The following PHF20 variants were observed in gnomAD, a reference collection of about 807,000 sequenced individuals.
PHF20 encodes PHD finger protein 20, also known as glioma-expressed antigen 2.
PHF20 carries 23 observed loss-of-function variants against 113.5 expected under a neutral mutation model. The ratio of observed to expected loss-of-function variants is 0.20; its 90% CI spans 0.15 to 0.29. The LOEUF (loss-of-function observed/expected upper bound fraction) is 0.29, where lower values mean the gene tolerates loss of function less well. Ranked by LOEUF, PHF20 falls within the 10% of genes least tolerant of loss-of-function variation. The probability of loss-of-function intolerance (pLI) is 1.00; values close to 1 mark genes in which losing one functional copy is unlikely to be tolerated. For missense variants in PHF20, 943 were observed against 1,219.6 expected, an observed-to-expected ratio of 0.77 and a Z score of 3.38; for synonymous variants, 434 against 457.3, an observed-to-expected ratio of 0.95 and a Z score of 0.65.
intron 6 of PHF20, among the ~76,000 whole-genome samples, 186 bp downstream of exon 6, chr20:35,863,586 C>G (rs1051391757): frequency 6.6e-6 from 1 of 152,294 alleles, no homozygotes; most frequent in Non-Finnish European, 1.5e-5. Context: ...CCAAGTGAAT[C>G]TAAGTTGGGA....
chr20:35,862,648 C>T (rs1319596574), intron 5 of PHF20, among the ~76,000 whole-genome samples: 3 of 152,080 alleles, frequency 2.0e-5, no homozygotes, highest in East Asian at 1.9e-4. Flanking sequence ...ATGGGAGGAT[C>T]GCTTGGGCCT....
rs187971692 is a variant in PHF20 at position 35,865,195 on chromosome 20, C to T, written c.808+1795C>T. On this transcript the variant is annotated intron_variant, in intron 6 of 17. Coordinates refer to ENST00000374012, the MANE Select transcript of PHF20 (RefSeq NM_016436.5). ...GCGACAAAACAAAAAAAAATTGATT[C>T]CATGTTGAAATGTTTTTAGAGGCTG... Among the ~76,000 whole-genome samples, 3 of 151,982 alleles carry T rather than the reference C, an allele frequency of 2.0e-5. No individual in the cohort carries two copies. The East Asian group carries it at 5.8e-4, about 29-fold the overall frequency.
intron 2 of PHF20, among the ~76,000 whole-genome samples, chr20:35,803,239 G>A (rs756714080): frequency 6.8e-6 from 1 of 147,782 alleles, no homozygotes; most frequent in Non-Finnish European, 1.5e-5. Flanking sequence ...GTGACTGAGC[G>A]AGACTCCGTC....
intron 13 of PHF20, among the ~76,000 whole-genome samples, chr20:35,918,739 C>G (rs879696643): frequency 2.0e-5 from 3 of 152,156 alleles, no homozygotes; most frequent in Non-Finnish European, 4.4e-5. Context: ...ATCAAATGCT[C>G]TCCCCTGGTC....
intron 2 of PHF20, among the ~76,000 whole-genome samples, chr20:35,841,197 T>A (rs879830344): frequency 6.6e-6 from 1 of 151,640 alleles, no homozygotes; most frequent in Admixed American, 6.6e-5. Flanking sequence ...ATACAAAAAT[T>A]AGCACTGTAT....
At chr20:35,813,546 A>G (rs1435187097) in intron 2 of PHF20, among the ~76,000 whole-genome samples, 1 of 151,972 alleles carries the variant, frequency 6.6e-6, no homozygotes, top group South Asian at 2.1e-4. Context: ...GGTTTCTTTA[A>G]TTAGGAAAGG....
At chr20:35,820,185 C>A (rs191475964) in intron 2 of PHF20, among the ~76,000 whole-genome samples, 102 of 152,238 alleles carry the variant, frequency 6.7e-4, no homozygotes, top group African/African-American at 2.3e-3. Flanking sequence ...TTACTCTGTA[C>A]AAAGTTCATT....
chr20:35,772,395 TGGG>T (rs1313074716), intron 1 of PHF20, among the ~76,000 whole-genome samples: 1 of 151,900 alleles, frequency 6.6e-6, no homozygotes, highest in Non-Finnish European at 1.5e-5. Flanking sequence ...CGGGCCGTGT[TGGG>T]GGTGCGGGTA....
At chr20:35,881,827 T>G (rs2054641119) in intron 9 of PHF20, among the ~76,000 whole-genome samples, 1 of 152,254 alleles carries the variant, frequency 6.6e-6, no homozygotes. Context: ...CTGTTAGTAT[T>G]TGGTCATGAG....
chr20:35,784,394 T>G (rs1369177119), intron 1 of PHF20, among the ~76,000 whole-genome samples: 4 of 149,544 alleles, frequency 2.7e-5, no homozygotes, highest in Non-Finnish European at 5.9e-5. Context: ...AAACTAACAG[T>G]AATCCCTTAA....
intron 10 of PHF20, among the ~76,000 whole-genome samples, chr20:35,912,728 A>C (rs1486451577): frequency 3.3e-5 from 5 of 152,112 alleles, no homozygotes; most frequent in Non-Finnish European, 7.4e-5. Context: ...GCTACTCTGG[A>C]GGCTGAGGCA....
chr20:35,845,404 C>A, intron 3 of PHF20: 1 of 396,436 alleles, frequency 2.5e-6, no homozygotes, highest in Admixed American at 2.6e-5. Flanking sequence ...CTTGCTCTGT[C>A]GCCCAGTCTG....
At chr20:35,802,575 T>C (rs1465482987) in intron 2 of PHF20, among the ~76,000 whole-genome samples, 1 of 151,984 alleles carries the variant, frequency 6.6e-6, no homozygotes, top group Non-Finnish European at 1.5e-5. Context: ...TCTTCAGGTG[T>C]AGGAAGATAA....
intron 9 of PHF20, among the ~76,000 whole-genome samples, chr20:35,897,432 T>A (rs2055006692): frequency 1.3e-5 from 2 of 152,152 alleles, no homozygotes; most frequent in Non-Finnish European, 2.9e-5. Flanking sequence ...AGCATTTATT[T>A]CTTTGTGTTC....
At chr20:35,806,031 A>AGGG (rs1569128770) in intron 2 of PHF20, among the ~76,000 whole-genome samples, 3 of 151,540 alleles carry the variant, frequency 2.0e-5, no homozygotes, top group Admixed American at 6.6e-5. Flanking sequence ...CACCCAGCTA[A>AGGG]TTTTTGTATT....
intron 1 of PHF20, among the ~76,000 whole-genome samples, chr20:35,788,136 G>A (rs1005032113): frequency 1.7e-4 from 26 of 150,550 alleles, no homozygotes; most frequent in Admixed American, 4.6e-4. Flanking sequence ...TTGCTCTGTT[G>A]CCCAGGCTGG....
chr20:35,913,491 T>C (rs1382490823), intron 11 of PHF20, 144 bp downstream of exon 11: 2 of 681,540 alleles, frequency 2.9e-6, no homozygotes, highest in Non-Finnish European at 5.2e-6. Context: ...CTCAACCTAG[T>C]ATGGGCCCTG....
intron 9 of PHF20, among the ~76,000 whole-genome samples, chr20:35,897,479 A>G (rs2055007276): frequency 6.6e-6 from 1 of 152,026 alleles, no homozygotes; most frequent in Non-Finnish European, 1.5e-5. Flanking sequence ...CTATTTGAAA[A>G]TATACAATAA....
Position 35,917,587 on chromosome 20 carries a change from T to A in PHF20, c.1929T>A (p.Asp643Glu), listed in dbSNP as rs1227559910. 12 of 1,613,956 alleles carry A rather than the reference T, an allele frequency of 7.4e-6. No individual in the cohort carries two copies. The highest frequency in any genetic ancestry group is 1.0e-5 in the Non-Finnish European group (12 of 1,179,994). ...DVTTNPDEEL[D>E]GDDRYDFEVV... ...CCACCAACCCAGATGAGGAACTTGATGGGGATGACCGCTATGACTTCGAGG... is the reference window on the plus strand; with the variant it reads ...CCACCAACCCAGATGAGGAACTTGAAGGGGATGACCGCTATGACTTCGAGG... The change falls in exon 13 of 18, where the codon GAT (aspartate) becomes GAA (glutamate). Residue 643 changes from aspartate (D) to glutamate (E), a missense_variant. Transcript: ENST00000374012.
Sources: gnomAD v4.1 joint callset for allele counts (sites outside exome capture counted in the v4.1 genomes callset) on GRCh38, gnomAD v4.1.1 for gene constraint, MANE v1.5 for transcripts, NCBI Gene and HGNC (gene_info 2026-07-23, HGNC 2026-07-21) for gene names.